Variants in FYB2 observed in about 807,000 individuals in gnomAD.
FYB2 encodes FYN-binding protein 2.
A neutral mutation model predicts 94.1 loss-of-function variants in FYB2; 103 were observed. The ratio of observed to expected loss-of-function variants is 1.09; its 90% CI spans 0.93 to 1.29. FYB2 has a LOEUF of 1.29. Among genes scored for constraint, FYB2 ranks in the 50% most tolerant of loss-of-function variants. FYB2 has a pLI of 0.00. For missense variants in FYB2, 896 were observed against 841.5 expected, an observed-to-expected ratio of 1.06 and a Z score of -0.80; for synonymous variants, 293 against 287.9, an observed-to-expected ratio of 1.02 and a Z score of -0.18.
chr1:56,792,978 T>C (rs1003120368), intron 1 of FYB2, among the ~76,000 whole-genome samples, 175 bp from the exon 2 acceptor site: 1 of 152,162 alleles, frequency 6.6e-6, no homozygotes, highest in Non-Finnish European at 1.5e-5. Context: ...TGGGCAATGT[T>C]AGCCAGCAAT....
intron 8 of FYB2, among the ~76,000 whole-genome samples, chr1:56,752,204 T>G (rs1423538121): frequency 1.3e-5 from 2 of 151,974 alleles, no homozygotes; most frequent in Non-Finnish European, 1.5e-5. Context: ...GGGTCTTGCA[T>G]GCAAAGCAAA....
At chr1:56,747,753 G>T (rs949339904) in intron 9 of FYB2, among the ~76,000 whole-genome samples, 3 of 152,082 alleles carry the variant, frequency 2.0e-5, no homozygotes, top group Non-Finnish European at 4.4e-5. Context: ...ATAATCCTTT[G>T]GGTATATACC....
At chr1:56,826,726 C>T in the FYB2 span, 1 of 152,234 alleles carries the variant, frequency 6.6e-6, no homozygotes, top group African/African-American at 2.4e-5. Context: ...TGGTTTTATT[C>T]CTATCCATAT....
At chr1:56,776,010 CTTGGAGATA>C (rs1224931024) in intron 4 of FYB2, among the ~76,000 whole-genome samples, 1 of 152,130 alleles carries the variant, frequency 6.6e-6, no homozygotes, top group Non-Finnish European at 1.5e-5. Context: ...GAAACTGAGG[CTTGGAGATA>C]TTCAGTAACT....
At chr1:56,787,490 A>T (rs1646159555) in intron 3 of FYB2, among the ~76,000 whole-genome samples, 1 of 152,246 alleles carries the variant, frequency 6.6e-6, no homozygotes, top group Non-Finnish European at 1.5e-5. Context: ...TTTATCTCTT[A>T]ATCTCTCATT....
intron 1 of FYB2, among the ~76,000 whole-genome samples, chr1:56,801,354 C>G (rs1397299671): frequency 6.6e-6 from 1 of 152,186 alleles, no homozygotes; most frequent in Non-Finnish European, 1.5e-5. Flanking sequence ...GCATATCAAA[C>G]TAAACCTACT....
chr1:56,756,648 T>C (rs1645339118), intron 6 of FYB2, among the ~76,000 whole-genome samples: 1 of 152,150 alleles, frequency 6.6e-6, no homozygotes, highest in African/African-American at 2.4e-5. Context: ...GCAGCACTGG[T>C]AGAATGACAA....
intron 7 of FYB2, among the ~76,000 whole-genome samples, chr1:56,754,320 T>C (rs887186298): frequency 6.6e-6 from 1 of 152,016 alleles, no homozygotes; most frequent in African/African-American, 2.4e-5. Flanking sequence ...CAACTCTCCT[T>C]TTTTATTATT....
At chr1:56,762,534 C>T (rs2100776443) in intron 5 of FYB2, among the ~76,000 whole-genome samples, 1 of 152,038 alleles carries the variant, frequency 6.6e-6, no homozygotes, top group South Asian at 2.1e-4. Context: ...ATGTTCATTC[C>T]TGATATACAG....
In FYB2 at chr1:56,819,275, GC is replaced by G. The variant is rs1646958316; in HGVS notation, c.9+6del. ...GAAAGCCAGCAACAAAACTGAGACA[GC>G]CTTACCCCTTCCATTGCTTTCCTCC... On this transcript the variant is annotated splice_donor_region_variant and intron_variant, in intron 1 of 19. Coordinates refer to ENST00000343433, the MANE Select transcript of FYB2 (RefSeq NM_001004303.5). 1.9e-6 allele frequency: 3 copies of G among 1,614,116 alleles called. No homozygotes were observed. Among genetic ancestry groups the G allele is most frequent in the Non-Finnish European group, 2.5e-6 (3 of 1,180,046 alleles).
intron 6 of FYB2, among the ~76,000 whole-genome samples, chr1:56,757,731 TTTCA>T (rs768934222): frequency 0.037 from 4,169 of 114,054 alleles, 211 homozygotes; most frequent in East Asian, 0.066. Flanking sequence ...TCTTTCTTTC[TTTCA>T]TTCTTTCTTT....
At chr1:56,740,970 G>A (rs1006771673) in intron 12 of FYB2, among the ~76,000 whole-genome samples, 175 bp from the exon 13 acceptor site, 5 of 152,068 alleles carry the variant, frequency 3.3e-5, no homozygotes, top group African/African-American at 1.2e-4. Flanking sequence ...CCAAAAAGCG[G>A]GAGGGTGGGA....
intron 2 of FYB2, 91 bp from the exon 3 acceptor site, chr1:56,789,225 C>A (rs1646205319): frequency 3.6e-6 from 5 of 1,391,386 alleles, no homozygotes; most frequent in South Asian, 2.9e-5. Context: ...CATCTAAGTC[C>A]CGTCCAATCT....
At chr1:56,739,011 A>T (rs573832130) in intron 13 of FYB2, among the ~76,000 whole-genome samples, 1 of 152,046 alleles carries the variant, frequency 6.6e-6, no homozygotes, top group South Asian at 2.1e-4. Context: ...TGTTCAAAGC[A>T]TGGAGGCATG....
intron 9 of FYB2, among the ~76,000 whole-genome samples, chr1:56,750,213 T>C (rs1645163306): frequency 6.6e-6 from 1 of 152,042 alleles, no homozygotes; most frequent in African/African-American, 2.4e-5. Context: ...AAAAGACTAA[T>C]AGTTACTTAA....
intron 2 of FYB2, among the ~76,000 whole-genome samples, chr1:56,791,497 C>T (rs1646264461): frequency 6.6e-6 from 1 of 152,150 alleles, no homozygotes; most frequent in African/African-American, 2.4e-5. Flanking sequence ...CTCTGCCCAC[C>T]TTGGCCTACA....
Position 56,739,342 on chromosome 1 carries a change from G to A in FYB2, c.1704-689C>T, listed in dbSNP as rs528088338. Among the ~76,000 whole-genome samples, 8 of 152,078 alleles carry A rather than the reference G, an allele frequency of 5.3e-5. No homozygotes were observed. The South Asian group carries it at 1.5e-3, about 28-fold the overall frequency. On this transcript the variant is annotated intron_variant, in intron 13 of 19. Transcript: ENST00000343433. ...AGGCCAGGGTCTGCCTTTGTGCATA[G>A]GGTCTCGCTGACCACACTCCCTCTT...
intron 6 of FYB2, among the ~76,000 whole-genome samples, chr1:56,757,729 TCTTTCA>T (rs1390413398): frequency 8.2e-6 from 1 of 121,522 alleles, no homozygotes; most frequent in African/African-American, 3.1e-5. Context: ...TTTCTTTCTT[TCTTTCA>T]TTCTTTCTTT....
chr1:56,737,124 T>A lies in FYB2; in HGVS notation c.1756A>T (p.Ile586Phe). Reference protein sequence around the residue: ...DLELKSQEVIIYDDVDLSEKE... With the variant: ...DLELKSQEVIFYDDVDLSEKE... ...TCACTCAGGTCTACATCATCATAAATAATAACTTCCTGAGACTTAAGTTCT... is the reference window on the plus strand; with the variant it reads ...TCACTCAGGTCTACATCATCATAAAAAATAACTTCCTGAGACTTAAGTTCT... Residue 586 changes from isoleucine (I) to phenylalanine (F), a missense_variant, in exon 15 of 20, where the codon ATT (isoleucine) becomes TTT (phenylalanine). By Grantham distance (21) the Ile-to-Phe change is conservative (BLOSUM62 0). Transcript: ENST00000343433. 2 of 1,606,884 alleles carry A rather than the reference T, an allele frequency of 1.2e-6. No individual in the cohort carries two copies. Among genetic ancestry groups the A allele is most frequent in the Non-Finnish European group, 1.7e-6 (2 of 1,175,470 alleles).
Sources: gnomAD v4.1 joint callset for allele counts (sites outside exome capture counted in the v4.1 genomes callset) on GRCh38, gnomAD v4.1.1 for gene constraint, MANE v1.5 for transcripts, NCBI Gene and HGNC (gene_info 2026-07-23, HGNC 2026-07-21) for gene names.